The following HSPBP1 variants were observed in gnomAD, a reference collection of about 807,000 sequenced individuals.
HSPBP1 encodes HSPA (Hsp70) binding protein 1.
In HSPBP1, 31 loss-of-function variants were observed where a neutral mutation model predicts 41.7. The observed-to-expected ratio is 0.74, with a 90% CI of 0.56 to 1.00. The LOEUF is 1.00. HSPBP1 is among the 50% of genes least tolerant of loss of function. The pLI is 0.00. For synonymous variants in HSPBP1, 199 were observed against 214.4 expected (o/e 0.93, Z 0.63); for missense variants, 439 against 487.9 (o/e 0.90, Z 0.94).
intron 1 of HSPBP1, 122 bp downstream of exon 1, chr19:55,279,913 T>G (rs1476777502): frequency 2.0e-6 from 1 of 507,782 alleles, no homozygotes; most frequent in Non-Finnish European, 3.5e-6. Flanking sequence ...ACTGCGTGCG[T>G]CCCGTCTCTT....
chr19:55,279,217 C>T (rs573369680), intron 2 of HSPBP1, among the ~76,000 whole-genome samples, 182 bp downstream of exon 2: 5 of 152,116 alleles, frequency 3.3e-5, no homozygotes, highest in Admixed American at 6.5e-5. Context: ...TGAGATCTGA[C>T]CTTCAGTCAA....
At position 55,280,100 on chromosome 19, in the gene HSPBP1, C is replaced by T. The variant is rs530036895; in HGVS notation, c.-160G>A. On this transcript the variant is annotated 5_prime_UTR_variant, in exon 1 of 8. Transcript: ENST00000433386. ...GTCGTCCGCACCTGACTCTGCTGGG[C>T]GCCGCCATCTTAACCGGAAATACGC... The T allele has an allele frequency of 2.8e-5, 6 of 215,578 alleles. No homozygotes were observed. The East Asian group carries it at 8.8e-4, about 32-fold the overall frequency. The allele number at this position is 215,578 out of a possible 1,614,324, so 13.4% of individuals were successfully genotyped here.
Position 55,274,543 on chromosome 19 carries a change from C to T in HSPBP1, c.495G>A (p.Ala165=), listed in dbSNP as rs771040201. 16 of 1,608,636 alleles carry T rather than the reference C, an allele frequency of 9.9e-6. No homozygotes were observed. In the South Asian group the frequency reaches 1.2e-4, roughly 12 times the overall value. The change falls in exon 4 of 8, where the codon GCG becomes GCA. Residue 165 remains alanine (A), a synonymous_variant. Transcript: ENST00000433386. ...EAGAAGLRWR[A]AQLIGTCSQN... Reference sequence around the variant, plus strand: ...GACTGCACGTGCCGATGAGCTGTGCCGCCCGCCACCGCAGTCCCGCAGCCC... The same window carrying T: ...GACTGCACGTGCCGATGAGCTGTGCTGCCCGCCACCGCAGTCCCGCAGCCC...
In HSPBP1 at chr19:55,268,761, C is replaced by T. The variant is rs1205203514; in HGVS notation, c.641-2475G>A. 3.3e-5 allele frequency among the ~76,000 whole-genome samples: 5 copies of T among 151,702 alleles called. No homozygotes were observed. The highest frequency in any genetic ancestry group is 4.4e-5 in the Non-Finnish European group (3 of 68,014). On this transcript the variant is annotated intron_variant, in intron 4 of 7. Transcript: ENST00000433386. This position sits in a 1 kb window ranked among gnomAD's most constrained non-coding sequence, Gnocchi z 4.5. ...TTGGCTCACTGCGACATACGTCTCT[C>T]GGGTTCAAGCAATTTTTATGCCTCA...
intron 3 of HSPBP1, among the ~76,000 whole-genome samples, chr19:55,275,301 A>G (rs2088042020): frequency 6.6e-6 from 1 of 152,214 alleles, no homozygotes; most frequent in African/African-American, 2.4e-5. Context: ...CAGTTCCTAA[A>G]AAAATGAAAT....
In HSPBP1 at chr19:55,279,518, A is replaced by AGCCGCTGCC; in HGVS notation, c.90_91insGGCAGCGGC (p.Gly30_Ser31insGlySerGly). 1 of 1,597,834 alleles carries AGCCGCTGCC rather than the reference A, an allele frequency of 6.3e-7. No homozygotes were observed. Among genetic ancestry groups the AGCCGCTGCC allele is most frequent in the Non-Finnish European group, 8.5e-7 (1 of 1,172,112 alleles). On this transcript the variant is annotated inframe_insertion, in exon 2 of 8. Transcript: ENST00000433386. ...GAATTGCCCGAGCCCCCAGCCGAGG[A>AGCCGCTGCC]GCCGCCGCCGCCGCCCCCTGAAGAG...
intron 4 of HSPBP1, among the ~76,000 whole-genome samples, chr19:55,269,029 A>G (rs943399243): frequency 6.6e-6 from 1 of 152,118 alleles, no homozygotes; most frequent in Admixed American, 6.6e-5. Flanking sequence ...GGAAAACACA[A>G]AGACTCCTCT....
At position 55,279,425 on chromosome 19, in the gene HSPBP1, G is replaced by A; in HGVS notation, c.184C>T (p.Pro62Ser). The A allele has an allele frequency of 1.9e-6, 3 of 1,601,050 alleles. No individual in the cohort carries two copies. The highest frequency in any genetic ancestry group is 2.5e-6 in the Non-Finnish European group (3 of 1,176,984). ...AITAGSEEPD[P>S]PPEPMSEERR... ...TCCTCACTCATCGGTTCTGGAGGAG[G>A]GTCTGGCTCTTCAGAGCCCGCGGTG... Residue 62 changes from proline (P) to serine (S), a missense_variant, in exon 2 of 8, where the codon CCT becomes TCT. Physicochemically the swap from Pro to Ser is moderately conservative, Grantham distance 74. Coordinates refer to ENST00000433386, the MANE Select transcript of HSPBP1 (RefSeq NM_012267.5).
chr19:55,265,160 C>T (rs1156623779), intron 7 of HSPBP1, 118 bp downstream of exon 7: 5 of 614,266 alleles, frequency 8.1e-6, no homozygotes, highest in Admixed American at 2.5e-5. Flanking sequence ...GTCCCCTCCC[C>T]CTGGCACCTG....
In HSPBP1 at chr19:55,274,671, C is replaced by T. The variant is rs144923443; in HGVS notation, c.416-49G>A. 808 of 1,501,754 alleles carry T rather than the reference C, an allele frequency of 5.4e-4. 2 individuals carry two copies. The African/African-American group carries it at 7.6e-3, about 14-fold the overall frequency. The allele number at this position is 1,501,754 out of a possible 1,614,324, so 93.0% of individuals were successfully genotyped here. A position where few individuals can be genotyped will look rare whatever the true frequency, so the allele number is the denominator to read the frequency against. On this transcript the variant is annotated intron_variant, in intron 3 of 7. Coordinates refer to ENST00000433386, the MANE Select transcript of HSPBP1 (RefSeq NM_012267.5). Reference sequence around the variant, plus strand: ...AGAGGCCAGATGTTAGGGACTGAACCGTGCCCCCCAAAATGCATGGGTTGA... The same window carrying T: ...AGAGGCCAGATGTTAGGGACTGAACTGTGCCCCCCAAAATGCATGGGTTGA...
At chr19:55,273,583 C>T (rs2087981546) in intron 4 of HSPBP1, among the ~76,000 whole-genome samples, 2 of 152,060 alleles carry the variant, frequency 1.3e-5, no homozygotes, top group South Asian at 4.2e-4. Context: ...GAGAAACTGC[C>T]CCACAGATGT....
chr19:55,266,472 C>A (rs796219360), intron 4 of HSPBP1, among the ~76,000 whole-genome samples, 186 bp from the exon 5 acceptor site: 1 of 874 alleles, frequency 1.1e-3, no homozygotes, highest in Non-Finnish European at 3.1e-3. Flanking sequence ...ACCATCACCA[C>A]CATCCTCACC....
chr19:55,265,454 C>T (rs1176169198), intron 6 of HSPBP1, 65 bp from the exon 7 acceptor site: 50 of 1,264,424 alleles, frequency 4.0e-5, no homozygotes, highest in Non-Finnish European at 5.4e-5. Context: ...CCAACCCTAT[C>T]GCCCGCCCCG....
chr19:55,278,570 G>T (rs1304624419), intron 2 of HSPBP1, among the ~76,000 whole-genome samples: 3 of 152,102 alleles, frequency 2.0e-5, no homozygotes, highest in Non-Finnish European at 4.4e-5. Context: ...GAAAGGTTGA[G>T]ACTTACCCAA....
chr19:55,274,096 G>C (rs1013265377), intron 4 of HSPBP1, among the ~76,000 whole-genome samples: 1 of 152,118 alleles, frequency 6.6e-6, no homozygotes, highest in Non-Finnish European at 1.5e-5. Context: ...GCCCCCGAGA[G>C]AGTGAACCAG....
At chr19:55,278,300 G>A (rs2088130900) in intron 2 of HSPBP1, among the ~76,000 whole-genome samples, 1 of 152,086 alleles carries the variant, frequency 6.6e-6, no homozygotes, top group Non-Finnish European at 1.5e-5. Flanking sequence ...TGGGGGTGAG[G>A]GAGGGGAGCA....
Position 55,279,610 on chromosome 19 carries a change from G to T in HSPBP1, c.-2C>A. The T allele has an allele frequency of 6.3e-7, 1 of 1,581,354 alleles. No individual in the cohort carries two copies. On this transcript the variant is annotated 5_prime_UTR_variant, in exon 2 of 8. Coordinates refer to ENST00000433386, the MANE Select transcript of HSPBP1 (RefSeq NM_012267.5). ...CCCCCTTGAGCCTTCGTCTGACATG[G>T]GCCGTTTGTGAAGAAGGGAAGAATG...
In HSPBP1 at chr19:55,265,311, G is replaced by C; in HGVS notation, c.972C>G (p.Arg324=). The C allele has an allele frequency of 6.2e-7, 1 of 1,612,460 alleles. No individual in the cohort carries two copies. The highest frequency in any genetic ancestry group is 8.5e-7 in the Non-Finnish European group (1 of 1,179,590). ...ELGLEELLRH[R]CQLLQQHEEY... ...CCTCATGCTGCTGCAGCAGCTGACA[G>C]CGGTGGCGGAGGAGCTCCTCCAGGC... The change falls in exon 7 of 8, where the codon CGC becomes CGG. Residue 324 remains arginine, a synonymous_variant. Transcript: ENST00000433386.
chr19:55,278,941 A>C (rs571675139), intron 2 of HSPBP1, among the ~76,000 whole-genome samples: 10 of 149,384 alleles, frequency 6.7e-5, no homozygotes, highest in African/African-American at 1.8e-4. Context: ...AAAAAAAAAA[A>C]CAGCAGTCTG....
Sources: allele counts gnomAD v4.1 joint callset (sites outside exome capture counted in the v4.1 genomes callset), GRCh38; gene constraint gnomAD v4.1.1; non-coding constraint Gnocchi (gnomAD v3.1); transcripts MANE v1.5; gene names NCBI Gene and HGNC (gene_info 2026-07-23, HGNC 2026-07-21).